Variants in ODAD2 observed in about 807,000 individuals in gnomAD.
The protein encoded by ODAD2 is outer dynein arm-docking complex subunit 2.
Under a neutral mutation model 106.8 loss-of-function variants are expected in ODAD2, and 89 were observed. The observed-to-expected ratio is 0.83, with a 90% CI of 0.70 to 0.99. The LOEUF is 0.99. Among genes scored for constraint, ODAD2 ranks in the 50% least tolerant of loss-of-function variants. The pLI, the probability that ODAD2 is intolerant of heterozygous loss-of-function variation, is 0.00. For synonymous variants in ODAD2, 404 were observed against 436.2 expected (o/e 0.93, Z 0.92); for missense variants, 1,168 against 1,238.5 (o/e 0.94, Z 0.85).
chr10:27,991,718 T>G (rs552887846), intron 2 of ODAD2, among the ~76,000 whole-genome samples: 8 of 152,214 alleles, frequency 5.3e-5, no homozygotes, highest in Admixed American at 3.9e-4. Context: ...AGAGGCATCC[T>G]CCTTTACTTT....
chr10:27,839,910 G>A (rs1427885285), intron 19 of ODAD2, among the ~76,000 whole-genome samples: 8 of 152,160 alleles, frequency 5.3e-5, no homozygotes, highest in Non-Finnish European at 8.8e-5. Flanking sequence ...AGAGTCAACT[G>A]TTATTCTGTT....
intron 16 of ODAD2, among the ~76,000 whole-genome samples, chr10:27,931,258 A>AT (rs1205070756): frequency 6.6e-6 from 1 of 152,146 alleles, no homozygotes; most frequent in Non-Finnish European, 1.5e-5. Flanking sequence ...AATTCATAGC[A>AT]TTTTGCAGGT....
intron 10 of ODAD2, among the ~76,000 whole-genome samples, chr10:27,950,173 A>G (rs1298680807): frequency 2.6e-5 from 4 of 152,098 alleles, no homozygotes; most frequent in African/African-American, 4.8e-5. Flanking sequence ...CAAACATGCC[A>G]CTCAGAGAGC....
intron 17 of ODAD2, among the ~76,000 whole-genome samples, chr10:27,887,855 A>T (rs773989630): frequency 2.0e-5 from 3 of 152,008 alleles, no homozygotes; most frequent in Admixed American, 6.6e-5. Flanking sequence ...AAGTGGGAAG[A>T]CCCAAATAAC....
chr10:27,983,414 T>C (rs1056281754), intron 6 of ODAD2, among the ~76,000 whole-genome samples: 4 of 152,218 alleles, frequency 2.6e-5, no homozygotes, highest in African/African-American at 7.2e-5. Context: ...CCCAGCTTCA[T>C]AGGGCACTGT....
chr10:27,863,479 A>G (rs1334619905), intron 17 of ODAD2, among the ~76,000 whole-genome samples: 1 of 152,226 alleles, frequency 6.6e-6, no homozygotes, highest in Non-Finnish European at 1.5e-5. Flanking sequence ...AAGAATGACC[A>G]TATTGAGTAG....
Position 27,845,910 on chromosome 10 carries a change from C to T in ODAD2, c.3021+14715G>A, listed in dbSNP as rs533154048. On this transcript the variant is annotated intron_variant, in intron 19 of 19. Coordinates refer to ENST00000305242, the MANE Select transcript of ODAD2 (RefSeq NM_018076.5). ...TATATGCACCCAATACAGGAGCACCCAGATTCATAAAGCAAGTCCTTAGAG... is the reference window on the plus strand; with the variant it reads ...TATATGCACCCAATACAGGAGCACCTAGATTCATAAAGCAAGTCCTTAGAG... Among the ~76,000 whole-genome samples, 14 of 152,280 alleles carry T rather than the reference C, an allele frequency of 9.2e-5. No individual in the cohort carries two copies. The East Asian group carries it at 2.7e-3, about 29-fold the overall frequency.
intron 16 of ODAD2, among the ~76,000 whole-genome samples, chr10:27,922,482 C>A (rs145703923): frequency 3.0e-3 from 459 of 150,672 alleles, no homozygotes; most frequent in African/African-American, 0.011. Context: ...TTATATATAA[C>A]AAAACAGAAA....
intron 19 of ODAD2, among the ~76,000 whole-genome samples, chr10:27,840,823 C>T (rs1838254537): frequency 6.6e-6 from 1 of 152,178 alleles, no homozygotes; most frequent in Non-Finnish European, 1.5e-5. Flanking sequence ...CTCTTTGGTG[C>T]ATAAGTTTGA....
At chr10:27,986,753 C>T (rs926588439) in intron 3 of ODAD2, among the ~76,000 whole-genome samples, 2 of 152,168 alleles carry the variant, frequency 1.3e-5, no homozygotes, top group African/African-American at 4.8e-5. Context: ...TTATAGCAGG[C>T]AACCACATTC....
Position 27,907,720 on chromosome 10 carries a change from G to A in ODAD2, c.2553C>T (p.His851=). Residue 851 remains histidine, a synonymous_variant, in exon 17 of 20, where the codon CAC becomes CAT. Transcript: ENST00000305242. ...RLLWSLLKNP[H]PDVKASAAWA... is the part of the protein sequence containing the mutation. The stretch of plus-strand genomic sequence containing the variant: ...ATGCTGCGCTGGCCTTCACGTCTGG[G>A]TGAGGATTTTTCAGCAGGGACCACA... 6.2e-7 allele frequency: 1 copy of A among 1,613,904 alleles called. No individual in the cohort carries two copies. The highest frequency in any genetic ancestry group is 8.5e-7 in the Non-Finnish European group (1 of 1,179,890).
rs150655393 is a variant in ODAD2, at chr10:27,860,711, C to T, written c.2935G>A (p.Val979Met). Residue 979 changes from valine to methionine, a missense_variant, in exon 19 of 20, where the codon GTG becomes ATG. Val to Met is a conservative substitution (Grantham distance 21). Coordinates refer to ENST00000305242, the MANE Select transcript of ODAD2 (RefSeq NM_018076.5). The part of the protein sequence containing the change: ...VRYLKSNDTN[V>M]HRATAQALYQ... ...AAGGCCTGAGCTGTCGCCCGATGCA[C>T]GTTGGTGTCATTTGATTTCAGATAA... 1.3e-3 allele frequency: 2,097 copies of T among 1,614,148 alleles called. 1 individual carries two copies. Among genetic ancestry groups the T allele is most frequent in the Non-Finnish European group, 1.7e-3 (1,981 of 1,180,020 alleles).
intron 14 of ODAD2, among the ~76,000 whole-genome samples, chr10:27,938,366 T>C (rs1182124408): frequency 6.6e-6 from 1 of 152,098 alleles, no homozygotes; most frequent in Non-Finnish European, 1.5e-5. Flanking sequence ...GACACTGGCA[T>C]ACACTAAGGA....
chr10:27,944,064 T>C (rs574116743), intron 12 of ODAD2, among the ~76,000 whole-genome samples, 158 bp downstream of exon 12: 7 of 152,134 alleles, frequency 4.6e-5, no homozygotes, highest in East Asian at 1.9e-4. Flanking sequence ...AATATAAATA[T>C]GCAAAAATAA....
chr10:27,812,571 C>T lies in ODAD2; in HGVS notation c.3076G>A (p.Gly1026Ser). The change falls in exon 20 of 20, where the codon GGT becomes AGT. Residue 1026 changes from glycine to serine, a missense_variant. By Grantham distance (56) the Gly-to-Ser change is moderately conservative. Coordinates refer to ENST00000305242, the MANE Select transcript of ODAD2 (RefSeq NM_018076.5). ...AGCCTGCGGATATTGGATATACAAC[C>T]AGCTGCAGCTTCCTGGAGATCCTGG... Reference protein sequence around the residue: ...PDQDLQEAAAGCISNIRRLAL... With the variant: ...PDQDLQEAAASCISNIRRLAL... 1 of 1,613,186 alleles carries T rather than the reference C, an allele frequency of 6.2e-7. No homozygotes were observed. The highest frequency in any genetic ancestry group is 8.5e-7 in the Non-Finnish European group (1 of 1,179,824).
rs1001386735 is a variant in ODAD2, at chr10:27,967,228, C to A, written c.1238+1695G>T. 7.9e-5 allele frequency among the ~76,000 whole-genome samples: 12 copies of A among 151,876 alleles called. No homozygotes were observed. The South Asian group carries it at 2.5e-3, about 32-fold the overall frequency. Reference sequence around the variant, plus strand: ...GCCAAGTGAAGAGCCTAGGGCTCTACCTTTATCAGACTGTAAGAAAGCGCT... The same window carrying A: ...GCCAAGTGAAGAGCCTAGGGCTCTAACTTTATCAGACTGTAAGAAAGCGCT... On this transcript the variant is annotated intron_variant, in intron 9 of 19. Transcript: ENST00000305242.
At chr10:27,850,398 T>C (rs1339715001) in intron 19 of ODAD2, among the ~76,000 whole-genome samples, 2 of 133,242 alleles carry the variant, frequency 1.5e-5, no homozygotes, top group African/African-American at 5.9e-5. Flanking sequence ...TGAGCTGAGA[T>C]CACACCACTG....
Position 27,935,110 on chromosome 10 carries a change from T to C in ODAD2, c.2395A>G (p.Ile799Val). Residue 799 changes from isoleucine (I) to valine (V), a missense_variant, in exon 16 of 20, where the codon ATT becomes GTT. By Grantham distance (29) the Ile-to-Val change is conservative. Transcript: ENST00000305242. ...NRVIVRKCGG[I>V]QPLVNLLVGI... ...ACAAGGAGGTTCACAAGTGGTTGAA[T>C]GCCACCACATTTCCGGACAATGACT... The C allele has an allele frequency of 1.2e-6, 2 of 1,614,010 alleles. No individual in the cohort carries two copies. The highest frequency in any genetic ancestry group is 1.1e-5 in the South Asian group (1 of 91,080).
rs1564465503 is a variant in ODAD2, at chr10:27,885,573, TATATAA to T, written c.2610+22084_2610+22089del. ...AAATATATAAATATAAATATATATA[TATATAA>T]ATATATAAATATAAATATATATATA... is the stretch of plus-strand genomic sequence containing the variant. On this transcript the variant is annotated intron_variant, in intron 17 of 19. Coordinates refer to ENST00000305242, the MANE Select transcript of ODAD2 (RefSeq NM_018076.5). Among the ~76,000 whole-genome samples the T allele has an allele frequency of 8.9e-4, 63 of 70,640 alleles. 2 individuals are homozygous for T. Among genetic ancestry groups the T allele is most frequent in the African/African-American group, 3.7e-3 (62 of 16,812 alleles). The allele number at this position is 70,640 out of a possible 152,430, so 46.3% of individuals were successfully genotyped here. A position where few individuals can be genotyped will look rare whatever the true frequency, so the allele number is the denominator to read the frequency against.
Sources: gnomAD v4.1 joint callset for allele counts (sites outside exome capture counted in the v4.1 genomes callset) on GRCh38, gnomAD v4.1.1 for gene constraint, MANE v1.5 for transcripts, NCBI Gene and HGNC (gene_info 2026-07-23, HGNC 2026-07-21) for gene names.